DAB1: variants seen among roughly 807,000 people sequenced by gnomAD.
DAB1 encodes disabled homolog 1.
DAB1 carries 15 observed loss-of-function variants against 64.6 expected under a neutral mutation model. The ratio of observed to expected loss-of-function variants is 0.23; its 90% confidence interval spans 0.16 to 0.36. The LOEUF (loss-of-function observed/expected upper bound fraction) is 0.36, where lower values mean the gene tolerates loss of function less well. Ranked by LOEUF, DAB1 falls within the 10% of genes least tolerant of loss-of-function variation. The pLI is 1.00. For synonymous variants in DAB1, 235 were observed against 251.9 expected (o/e 0.93, Z 0.64); for missense variants, 596 against 706.7 (o/e 0.84, Z 1.78).
intron 1 of DAB1, among the ~76,000 whole-genome samples, chr1:57,371,799 G>C (rs985637161): frequency 1.3e-5 from 2 of 152,192 alleles, no homozygotes; most frequent in African/African-American, 4.8e-5. Context: ...TTCTCAACCA[G>C]GGGCTACTTT....
chr1:57,036,127 C>T (rs532535209), intron 9 of DAB1, among the ~76,000 whole-genome samples: 3 of 151,588 alleles, frequency 2.0e-5, no homozygotes, highest in East Asian at 1.9e-4. Context: ...TTTTTTAATG[C>T]TAGGAAATTA....
chr1:57,414,699 A>G (rs1235581006), intron 1 of DAB1, among the ~76,000 whole-genome samples: 2 of 152,250 alleles, frequency 1.3e-5, no homozygotes, highest in African/African-American at 2.4e-5. Flanking sequence ...AAATACAGGT[A>G]GCATATGATG....
At chr1:58,137,680 A>G (rs1348353245) in intron 5 of DAB1, among the ~76,000 whole-genome samples, 1 of 152,164 alleles carries the variant, frequency 6.6e-6, no homozygotes, top group Non-Finnish European at 1.5e-5. Context: ...TCCAAGCCAA[A>G]TCCCAAGCCA....
intron 2 of DAB1, among the ~76,000 whole-genome samples, chr1:57,280,655 A>G (rs1403673431): frequency 6.6e-6 from 1 of 152,194 alleles, no homozygotes; most frequent in Non-Finnish European, 1.5e-5. Flanking sequence ...AATATGGCAA[A>G]TCTTATAGCT....
intron 3 of DAB1, among the ~76,000 whole-genome samples, chr1:58,357,395 C>A (rs182231832): frequency 3.9e-5 from 6 of 152,136 alleles, no homozygotes; most frequent in African/African-American, 1.4e-4. Flanking sequence ...GTGGTGGTGC[C>A]GTTTCTGCAC....
chr1:57,086,660 C>T (rs1210220651), intron 4 of DAB1, among the ~76,000 whole-genome samples: 1 of 148,594 alleles, frequency 6.7e-6, no homozygotes, highest in Non-Finnish European at 1.5e-5. Flanking sequence ...CACACACACA[C>T]ACACACACAC....
In DAB1 at chr1:57,836,918, C is replaced by T. The variant is rs561322783; in HGVS notation, n.88-10463G>A. 2.0e-5 allele frequency among the ~76,000 whole-genome samples: 3 copies of T among 152,270 alleles called. No individual in the cohort carries two copies. In the South Asian group the frequency reaches 6.2e-4, roughly 32 times the overall value. On this transcript the variant is annotated intron_variant and non_coding_transcript_variant, in intron 1 of 1. Transcript: ENST00000477280. ...CCCCCTAGACATGCTTTGCTCTCAG[C>T]GTCTCCATCTCAGAGAAAGCATCTC...
rs74707087 is a variant in DAB1 at position 57,571,949 on chromosome 1, C to G, written n.625+77643G>C. 8.3e-3 allele frequency among the ~76,000 whole-genome samples: 1,265 copies of G among 152,160 alleles called. 15 individuals are homozygous for G. Among genetic ancestry groups the G allele is most frequent in the African/African-American group, 0.029 (1,213 of 41,504 alleles). ...TGATCTGGAGAACCAATAAATTATC[C>G]CATGGAAGGTGCTTTGGAAAATACA... On this transcript the variant is annotated intron_variant and non_coding_transcript_variant, in intron 7 of 20. Coordinates refer to the DAB1 transcript ENST00000485760.
At chr1:57,152,383 G>T (rs1339592518) in intron 2 of DAB1, among the ~76,000 whole-genome samples, 1 of 152,204 alleles carries the variant, frequency 6.6e-6, no homozygotes, top group African/African-American at 2.4e-5. Flanking sequence ...CTTTATCTGG[G>T]ATCTCAATCC....
At chr1:58,430,336 A>T (rs1485606333) in intron 3 of DAB1, among the ~76,000 whole-genome samples, 1 of 133,280 alleles carries the variant, frequency 7.5e-6, no homozygotes, top group African/African-American at 3.8e-5. Flanking sequence ...GCCTGAGTGG[A>T]GGACTTCAAT....
chr1:57,210,074 C>T (rs1461615951), intron 2 of DAB1, among the ~76,000 whole-genome samples: 2 of 152,148 alleles, frequency 1.3e-5, no homozygotes, highest in Non-Finnish European at 2.9e-5. Context: ...TAATGCCTAA[C>T]TTCTAGGATT....
intron 5 of DAB1, among the ~76,000 whole-genome samples, chr1:57,947,982 G>C (rs1219446713): frequency 6.6e-6 from 1 of 152,098 alleles, no homozygotes; most frequent in Non-Finnish European, 1.5e-5. Context: ...ATTACACTTT[G>C]GGCTCAAGAA....
At chr1:57,733,670 G>T (rs544089969) in intron 6 of DAB1, among the ~76,000 whole-genome samples, 201 of 152,208 alleles carry the variant, frequency 1.3e-3, no homozygotes, top group African/African-American at 4.6e-3. Context: ...AGAACCTGAG[G>T]CTCAGAGAGG....
chr1:57,371,556 C>T (rs1331094014), intron 1 of DAB1, among the ~76,000 whole-genome samples: 1 of 152,134 alleles, frequency 6.6e-6, no homozygotes, highest in African/African-American at 2.4e-5. Context: ...CTCTTATTCA[C>T]CCACTCAATA....
intron 1 of DAB1, among the ~76,000 whole-genome samples, chr1:57,343,675 C>T (rs375909513): frequency 2.0e-5 from 3 of 151,992 alleles, no homozygotes; most frequent in Non-Finnish European, 4.4e-5. Context: ...CTGCCTGGGG[C>T]CGGTGGGGCC....
chr1:58,092,839 A>G (rs184702694), intron 5 of DAB1, among the ~76,000 whole-genome samples: 17 of 152,340 alleles, frequency 1.1e-4, no homozygotes, highest in African/African-American at 3.8e-4. Context: ...GCCATTCCTC[A>G]GACAAGTCAA....
At chr1:58,387,330 G>A (rs539725208) in intron 3 of DAB1, among the ~76,000 whole-genome samples, 3 of 152,300 alleles carry the variant, frequency 2.0e-5, no homozygotes, top group East Asian at 3.9e-4. Flanking sequence ...CATATCACAA[G>A]GAAATCACAG....
At chr1:57,363,390 G>A (rs551646034) in intron 1 of DAB1, among the ~76,000 whole-genome samples, 4 of 152,096 alleles carry the variant, frequency 2.6e-5, no homozygotes, top group South Asian at 2.1e-4. Context: ...ACATAGAATC[G>A]TTCCCAACTG....
intron 3 of DAB1, among the ~76,000 whole-genome samples, chr1:58,379,053 G>T (rs1036683830): frequency 6.6e-6 from 1 of 151,310 alleles, no homozygotes; most frequent in East Asian, 1.9e-4. Flanking sequence ...CATGGTGCGC[G>T]CACCCACTGG....
Sources: gnomAD v4.1 joint callset for allele counts (sites outside exome capture counted in the v4.1 genomes callset) on GRCh38, gnomAD v4.1.1 for gene constraint, MANE v1.5 for transcripts, NCBI Gene and HGNC (gene_info 2026-07-23, HGNC 2026-07-21) for gene names.